Variants in PPP1R14D observed in about 807,000 individuals in gnomAD.
PPP1R14D encodes protein phosphatase 1 regulatory subunit 14D.
PPP1R14D carries 14 observed loss-of-function variants against 17.1 expected under a neutral mutation model. That is an observed-to-expected ratio of 0.82 (90% CI 0.54 to 1.28). PPP1R14D has a LOEUF of 1.28. PPP1R14D is among the 50% of genes most tolerant of loss of function. The pLI is 0.00. For synonymous variants in PPP1R14D, 67 were observed against 66.1 expected (o/e 1.01, Z -0.06); for missense variants, 173 against 179.2 (o/e 0.97, Z 0.20).
intron 1 of PPP1R14D, among the ~76,000 whole-genome samples, chr15:40,818,668 G>A (rs1004647521): frequency 1.3e-5 from 2 of 152,150 alleles, no homozygotes; most frequent in Admixed American, 1.3e-4. Flanking sequence ...AAAGTATGGC[G>A]ATAGTAAAAA....
At chr15:40,828,151 T>C (rs944915261) in intron 1 of PPP1R14D, among the ~76,000 whole-genome samples, 1 of 152,186 alleles carries the variant, frequency 6.6e-6, no homozygotes, top group Non-Finnish European at 1.5e-5. Context: ...AGCCCTATTA[T>C]AGATTAGGGA....
At position 40,816,310 on chromosome 15, in the gene PPP1R14D, G is replaced by A. The variant is rs1890663126; in HGVS notation, c.256-57C>T. ...CCTGACCAGCTGGTGCTGGAATGAA[G>A]GTTACTGTCAGGGACTCAACCCACC... On this transcript the variant is annotated intron_variant, in intron 1 of 3. Coordinates refer to ENST00000299174, the MANE Select transcript of PPP1R14D (RefSeq NM_017726.8). 2.7e-6 allele frequency: 4 copies of A among 1,464,840 alleles called. No homozygotes were observed. In the African/African-American group the frequency reaches 5.6e-5, roughly 20 times the overall value. 90.7% of individuals were successfully genotyped at this position (1,464,840 alleles called of 1,614,324 possible). A position where few individuals can be genotyped will look rare whatever the true frequency, so the allele number is the denominator to read the frequency against.
chr15:40,822,361 T>G (rs1421546430), intron 1 of PPP1R14D, among the ~76,000 whole-genome samples: 2 of 151,022 alleles, frequency 1.3e-5, no homozygotes, highest in Non-Finnish European at 2.9e-5. Context: ...ATAAATTTAG[T>G]GTAGCAGCTG....
intron 2 of PPP1R14D, 86 bp from the exon 3 acceptor site, chr15:40,816,080 G>A (rs553341899): frequency 6.5e-4 from 1,042 of 1,602,476 alleles, no homozygotes; most frequent in Non-Finnish European, 8.7e-4. Flanking sequence ...TCTCCCCTCT[G>A]GATTGGTTCT....
chr15:40,826,531 T>C (rs1383835759), intron 1 of PPP1R14D, among the ~76,000 whole-genome samples: 1 of 152,132 alleles, frequency 6.6e-6, no homozygotes, highest in African/African-American at 2.4e-5. Flanking sequence ...CATCTGTTTT[T>C]TTTCTTAAGT....
chr15:40,820,840 G>A (rs1890763122), intron 1 of PPP1R14D, among the ~76,000 whole-genome samples: 1 of 151,376 alleles, frequency 6.6e-6, no homozygotes, highest in African/African-American at 2.4e-5. Context: ...CAGCCAGGGT[G>A]ACAGAGCAAG....
chr15:40,818,915 G>A (rs1890723121), intron 1 of PPP1R14D, among the ~76,000 whole-genome samples: 1 of 152,272 alleles, frequency 6.6e-6, no homozygotes, highest in Non-Finnish European at 1.5e-5. Context: ...TAACCTTGCT[G>A]CTGGGTGGGG....
At chr15:40,825,296 A>AAAAG (rs1396982900) in intron 1 of PPP1R14D, among the ~76,000 whole-genome samples, 8 of 150,718 alleles carry the variant, frequency 5.3e-5, no homozygotes, top group East Asian at 1.9e-4. Context: ...AAAAAAAAAA[A>AAAAG]AAAGAAAGAA....
chr15:40,820,239 A>G (rs1890751887), intron 1 of PPP1R14D, among the ~76,000 whole-genome samples: 2 of 150,362 alleles, frequency 1.3e-5, no homozygotes, highest in Admixed American at 6.6e-5. Flanking sequence ...GCTTACTGCA[A>G]CCTCTGCCTC....
Position 40,828,507 on chromosome 15 carries a change from G to A in PPP1R14D, c.135C>T (p.Ser45=). ...TDSESKSHPD[S]SKIPRSRRPS... ...GTCTCCGGGACCTGGGTATCTTGGA[G>A]GAGTCCGGGTGGGACTTGGACTCTG... The change falls in exon 1 of 4, where the codon TCC becomes TCT. Residue 45 remains serine, a synonymous_variant. Transcript: ENST00000299174. 6.2e-7 allele frequency: 1 copy of A among 1,614,232 alleles called. No homozygotes were observed. Among genetic ancestry groups the A allele is most frequent in the Non-Finnish European group, 8.5e-7 (1 of 1,180,048 alleles).
At chr15:40,820,568 T>C (rs1249321612) in intron 1 of PPP1R14D, among the ~76,000 whole-genome samples, 1 of 151,550 alleles carries the variant, frequency 6.6e-6, no homozygotes, top group Admixed American at 6.6e-5. Context: ...AAAGAAAGAA[T>C]CAGGCCAGGT....
At chr15:40,819,372 A>C (rs896665629) in intron 1 of PPP1R14D, among the ~76,000 whole-genome samples, 2 of 151,980 alleles carry the variant, frequency 1.3e-5, no homozygotes, top group Admixed American at 6.6e-5. Context: ...ACTTGGTGAA[A>C]CCTCCATCTC....
At chr15:40,815,895 C>T in intron 3 of PPP1R14D, 67 bp downstream of exon 3, 5 of 1,478,052 alleles carry the variant, frequency 3.4e-6, no homozygotes, top group Non-Finnish European at 4.6e-6. Flanking sequence ...CCTTCAAATA[C>T]TCCTCATTAG....
intron 1 of PPP1R14D, 47 bp from the exon 2 acceptor site, chr15:40,816,300 C>G (rs200945500): frequency 6.6e-7 from 1 of 1,517,100 alleles, no homozygotes; most frequent in Non-Finnish European, 9.2e-7. Flanking sequence ...CCAGCTGGTG[C>G]TGGAATGAAG....
At chr15:40,824,028 A>C (rs994935321) in intron 1 of PPP1R14D, among the ~76,000 whole-genome samples, 1 of 151,574 alleles carries the variant, frequency 6.6e-6, no homozygotes, top group Non-Finnish European at 1.5e-5. Context: ...TACTACGGCA[A>C]CCTGGTGTTG....
At chr15:40,820,953 A>G (rs1890765681) in intron 1 of PPP1R14D, among the ~76,000 whole-genome samples, 1 of 151,754 alleles carries the variant, frequency 6.6e-6, no homozygotes, top group Non-Finnish European at 1.5e-5. Flanking sequence ...GGTGGGGGTT[A>G]AGACAGGAGA....
intron 1 of PPP1R14D, among the ~76,000 whole-genome samples, chr15:40,816,606 G>A (rs1890671652): frequency 2.0e-5 from 3 of 151,498 alleles, no homozygotes; most frequent in Non-Finnish European, 4.4e-5. Flanking sequence ...CCAGCTACTT[G>A]GGAGGCTGAG....
At chr15:40,819,182 C>T (rs530305418) in intron 1 of PPP1R14D, among the ~76,000 whole-genome samples, 3 of 152,156 alleles carry the variant, frequency 2.0e-5, no homozygotes, top group Admixed American at 6.5e-5. Flanking sequence ...GTGAAGAACA[C>T]GACTACTAGT....
chr15:40,815,606 G>A lies in PPP1R14D; in HGVS notation c.*90C>T, dbSNP rs906912783. 6.8e-7 allele frequency: 1 copy of A among 1,461,320 alleles called. No homozygotes were observed. Among genetic ancestry groups the A allele is most frequent in the East Asian group, 2.3e-5 (1 of 43,476 alleles). The allele number at this position is 1,461,320 out of a possible 1,614,324, so 90.5% of individuals were successfully genotyped here. ...CTCCTTGTCCACATTTCTTGTTTGT[G>A]TCCCAAGGAGCTATTTCCCTCTTAG... is the stretch of plus-strand genomic sequence containing the variant. On this transcript the variant is annotated 3_prime_UTR_variant, in exon 4 of 4. Transcript: ENST00000299174.
Sources: gnomAD v4.1 joint callset for allele counts (sites outside exome capture counted in the v4.1 genomes callset) on GRCh38, gnomAD v4.1.1 for gene constraint, MANE v1.5 for transcripts, NCBI Gene and HGNC (gene_info 2026-07-23, HGNC 2026-07-21) for gene names.